Variants in HSPG2 observed in about 807,000 individuals in gnomAD.
The protein encoded by HSPG2 is basement membrane-specific heparan sulfate proteoglycan core protein.
Under a neutral mutation model 526.6 loss-of-function variants are expected in HSPG2, and 278 were observed. That is an observed-to-expected ratio of 0.53 (90% CI 0.48 to 0.58). HSPG2 has a LOEUF of 0.58. Among genes scored for constraint, HSPG2 ranks in the 20% least tolerant of loss-of-function variants. HSPG2 has a pLI of 0.00. For missense variants in HSPG2, 5,354 were observed against 6,099.5 expected (o/e 0.88, Z 4.07); for synonymous variants, 2,465 against 2,555.4 (o/e 0.96, Z 1.07).
intron 68 of HSPG2, 48 bp from the exon 69 acceptor site, chr1:21,842,190 C>G: frequency 6.2e-7 from 1 of 1,612,872 alleles, no homozygotes. Context: ...GTGGGCTTAG[C>G]TTCAGGGCCC....
chr1:21,854,284 C>T lies in HSPG2; in HGVS notation c.6348G>A (p.Val2116=). The change falls in exon 50 of 97, where the codon GTG becomes GTA. Residue 2116 remains valine (V), a synonymous_variant. Transcript: ENST00000374695. Reference sequence around the variant, plus strand: ...GGCCCGATCCATTCTCCACACGGCACACATATTCTCCAGAATCAGCTGGTG... The same window carrying T: ...GGCCCGATCCATTCTCCACACGGCATACATATTCTCCAGAATCAGCTGGTG... ...QVSPADSGEY[V]CRVENGSGPK... 1 of 1,576,838 alleles carries T rather than the reference C, an allele frequency of 6.3e-7. No individual in the cohort carries two copies. Among genetic ancestry groups the T allele is most frequent in the Non-Finnish European group, 8.6e-7 (1 of 1,160,822 alleles).
chr1:21,887,279 G>T lies in HSPG2; in HGVS notation c.1014C>A (p.Ala338=). The T allele has an allele frequency of 6.2e-7, 1 of 1,614,068 alleles. No individual in the cohort carries two copies. Among genetic ancestry groups the T allele is most frequent in the African/African-American group, 1.3e-5 (1 of 75,030 alleles). ...NEFPCGNGHC[A]LKLWRCDGDF... is the part of the protein sequence containing the mutation. ...CACCATCGCAGCGCCACAGCTTGAG[G>T]GCACAATGTCCATTCCCGCAGGGGA... The change falls in exon 9 of 97, where the codon GCC becomes GCA. Residue 338 remains alanine, a synonymous_variant. Coordinates refer to ENST00000374695, the MANE Select transcript of HSPG2 (RefSeq NM_005529.7). This position sits in a 1 kb window ranked among gnomAD's most constrained non-coding sequence, Gnocchi z 5.0.
intron 1 of HSPG2, among the ~76,000 whole-genome samples, chr1:21,933,825 A>G (rs991096360): frequency 2.0e-5 from 3 of 152,250 alleles, no homozygotes; most frequent in Non-Finnish European, 4.4e-5. Context: ...CGGAACAAGT[A>G]GGCTAGTGTC....
At chr1:21,835,844 C>T (rs1380062577) in intron 75 of HSPG2, among the ~76,000 whole-genome samples, 1 of 151,970 alleles carries the variant, frequency 6.6e-6, no homozygotes, top group African/African-American at 2.4e-5. Context: ...ATTAGCCAGG[C>T]GTGGTGGCAC....
In HSPG2 at chr1:21,865,152, C is replaced by T. The variant is rs1640127584; in HGVS notation, c.4396-79G>A. ...TACAGTTACCACCCCCCAAATCCTG[C>T]CTTACAGGCACTGACTGAGGGCTGC... On this transcript the variant is annotated intron_variant, in intron 35 of 96. Transcript: ENST00000374695. This position sits in a 1 kb window ranked among gnomAD's most constrained non-coding sequence, Gnocchi z 5.4. The T allele has an allele frequency of 4.6e-6, 7 of 1,535,928 alleles. No homozygotes were observed. The highest frequency in any genetic ancestry group is 6.3e-6 in the Non-Finnish European group (7 of 1,112,338).
At chr1:21,826,895 C>A (rs975329592) in intron 91 of HSPG2, among the ~76,000 whole-genome samples, 1 of 152,152 alleles carries the variant, frequency 6.6e-6, no homozygotes, top group African/African-American at 2.4e-5. Flanking sequence ...CACTAAGTGG[C>A]CGGGCGCGGT....
chr1:21,872,383 A>G lies in HSPG2; in HGVS notation c.4030-6T>C, dbSNP rs1168167116. 1.3e-6 allele frequency: 2 copies of G among 1,561,370 alleles called. No homozygotes were observed. Among genetic ancestry groups the G allele is most frequent in the Admixed American group, 1.9e-5 (1 of 53,224 alleles). On this transcript the variant is annotated splice_region_variant and splice_polypyrimidine_tract_variant and intron_variant, in intron 32 of 96. Transcript: ENST00000374695. This position sits in a 1 kb window ranked among gnomAD's most constrained non-coding sequence, Gnocchi z 5.5. ...GGGGCAAAGTGGGTGGAGATCTGGC[A>G]GGGGAAAAAGGAGGGGGCGTCAGCC...
chr1:21,916,237 C>T (rs963000165), intron 1 of HSPG2, among the ~76,000 whole-genome samples: 6 of 152,110 alleles, frequency 3.9e-5, no homozygotes, highest in South Asian at 4.2e-4. Context: ...TGCGGTGGCT[C>T]ACGCCTGTAA....
At position 21,848,967 on chromosome 1, in the gene HSPG2, C is replaced by A. The variant is rs62642517; in HGVS notation, c.7511G>T (p.Arg2504Leu). The change falls in exon 58 of 97, where the codon CGT becomes CTT. Residue 2504 changes from arginine (R) to leucine (L), a missense_variant. Coordinates refer to ENST00000374695, the MANE Select transcript of HSPG2 (RefSeq NM_005529.7). The surrounding 1 kb of genome is among the most constrained non-coding windows in gnomAD (Gnocchi z 4.9). Reference sequence around the variant, plus strand: ...CTGGGTACCTGAGCTGCCGACCACACGGCACACGTACTCCCCTGAATCAGC... The same window carrying A: ...CTGGGTACCTGAGCTGCCGACCACAAGGCACACGTACTCCCCTGAATCAGC... ...TPADSGEYVC[R>L]VVGSSGTQEA... 9 of 1,614,008 alleles carry A rather than the reference C, an allele frequency of 5.6e-6. No homozygotes were observed. In the East Asian group the frequency reaches 1.8e-4, roughly 32 times the overall value.
intron 23 of HSPG2, 52 bp downstream of exon 23, chr1:21,876,177 T>C (rs532063372): frequency 1.5e-5 from 23 of 1,573,056 alleles, no homozygotes; most frequent in Non-Finnish European, 1.8e-5. Flanking sequence ...AGCCTTTGCC[T>C]GCGCTGTTCC....
Position 21,872,381 on chromosome 1 carries a change from G to A in HSPG2, c.4030-4C>T. The A allele has an allele frequency of 6.4e-7, 1 of 1,564,000 alleles. No homozygotes were observed. Among genetic ancestry groups the A allele is most frequent in the Non-Finnish European group, 8.7e-7 (1 of 1,152,786 alleles). The stretch of plus-strand genomic sequence containing the variant: ...CAGGGGCAAAGTGGGTGGAGATCTG[G>A]CAGGGGAAAAAGGAGGGGGCGTCAG... On this transcript the variant is annotated splice_region_variant and splice_polypyrimidine_tract_variant and intron_variant, in intron 32 of 96. Transcript: ENST00000374695. The surrounding 1 kb of genome is among the most constrained non-coding windows in gnomAD (Gnocchi z 5.5).
Position 21,864,391 on chromosome 1 carries a change from C to T in HSPG2, c.4627-178G>A, listed in dbSNP as rs1301484138. Reference sequence around the variant, plus strand: ...TCCCACCCACGGCCCTCTCCCAGTCCACACTGTTCACCTCTGGGAGGCATC... The same window carrying T: ...TCCCACCCACGGCCCTCTCCCAGTCTACACTGTTCACCTCTGGGAGGCATC... On this transcript the variant is annotated intron_variant, in intron 36 of 96. Transcript: ENST00000374695. This position sits in a 1 kb window ranked among gnomAD's most constrained non-coding sequence, Gnocchi z 4.8. Among the ~76,000 whole-genome samples the T allele has an allele frequency of 2.0e-5, 3 of 152,138 alleles. No homozygotes were observed. Among genetic ancestry groups the T allele is most frequent in the Non-Finnish European group, 4.4e-5 (3 of 68,022 alleles).
At chr1:21,916,357 TAGTC>T (rs1201626689) in intron 1 of HSPG2, among the ~76,000 whole-genome samples, 1 of 151,848 alleles carries the variant, frequency 6.6e-6, no homozygotes, top group Non-Finnish European at 1.5e-5. Flanking sequence ...AAAACACAAT[TAGTC>T]AGGCGTGGTG....
At chr1:21,911,138 G>A (rs891907281) in intron 1 of HSPG2, among the ~76,000 whole-genome samples, 2 of 152,188 alleles carry the variant, frequency 1.3e-5, no homozygotes, top group African/African-American at 4.8e-5. Context: ...ATAAAAACAA[G>A]GGCATGAATT....
rs1308549832 is a variant in HSPG2, at chr1:21,834,965, A to G, written c.10454-20T>C. Reference sequence around the variant, plus strand: ...GCAGGGCTGGGGAGGAGGGAGGCAGAGGTCCAGTGAGATCAGTCACTGCAG... The same window carrying G: ...GCAGGGCTGGGGAGGAGGGAGGCAGGGGTCCAGTGAGATCAGTCACTGCAG... On this transcript the variant is annotated intron_variant, in intron 76 of 96. Coordinates refer to ENST00000374695, the MANE Select transcript of HSPG2 (RefSeq NM_005529.7). 6.2e-7 allele frequency: 1 copy of G among 1,608,286 alleles called. No homozygotes were observed. Among genetic ancestry groups the G allele is most frequent in the East Asian group, 2.2e-5 (1 of 44,898 alleles).
chr1:21,874,036 T>C, intron 28 of HSPG2, 25 bp from the exon 29 acceptor site: 1 of 1,575,064 alleles, frequency 6.3e-7, no homozygotes, highest in Non-Finnish European at 8.6e-7. Context: ...AGATTTCTAG[T>C]CAGGAACGCA....
chr1:21,854,172 C>T lies in HSPG2; in HGVS notation c.6439+21G>A, dbSNP rs56123493. On this transcript the variant is annotated intron_variant, in intron 50 of 96. Transcript: ENST00000374695. ...GAGCTCCTAGGGCTCAGCCCCGGCC[C>T]AGCCACACCTGGCTCCTCACCTGGG... The T allele has an allele frequency of 6.5e-3, 10,090 of 1,559,958 alleles. 52 individuals carry two copies. The highest frequency in any genetic ancestry group is 0.01 in the Middle Eastern group (61 of 5,984).
At position 21,831,295 on chromosome 1, in the gene HSPG2, C is replaced by T. The variant is rs200997062; in HGVS notation, c.11482G>A (p.Glu3828Lys). 1.4e-4 allele frequency: 225 copies of T among 1,614,062 alleles called. No individual in the cohort carries two copies. The highest frequency in any genetic ancestry group is 3.8e-4 in the Admixed American group (23 of 60,012). The part of the protein sequence containing the change: ...GCVRELRIQG[E>K]EIVFHDLNLT... ...TTGAGGTCATGGAAGACGATCTCCTCGCCCTGGATGCGCAGCTCCCGGACA... is the reference window on the plus strand; with the variant it reads ...TTGAGGTCATGGAAGACGATCTCCTTGCCCTGGATGCGCAGCTCCCGGACA... Residue 3828 changes from glutamate to lysine, a missense_variant, in exon 84 of 97, where the codon GAG becomes AAG. Transcript: ENST00000374695.
chr1:21,879,445 A>G (rs1422746868), intron 17 of HSPG2, among the ~76,000 whole-genome samples: 1 of 152,170 alleles, frequency 6.6e-6, no homozygotes, highest in Non-Finnish European at 1.5e-5. Context: ...GGAGATGACA[A>G]TGCTGCCCTG....
Sources: allele counts gnomAD v4.1 joint callset (sites outside exome capture counted in the v4.1 genomes callset), GRCh38; gene constraint gnomAD v4.1.1; non-coding constraint Gnocchi (gnomAD v3.1); transcripts MANE v1.5; gene names NCBI Gene and HGNC (gene_info 2026-07-23, HGNC 2026-07-21).